The following TNS3 variants were observed in gnomAD, a reference collection of about 807,000 sequenced individuals.
The protein encoded by TNS3 is tensin-3.
In TNS3, 45 loss-of-function variants were observed where a neutral mutation model predicts 140.9. That is an observed-to-expected ratio of 0.32 (90% confidence interval 0.25 to 0.41). The LOEUF is 0.41. Among genes scored for constraint, TNS3 ranks in the 10% least tolerant of loss-of-function variants. The pLI is 1.00. For missense variants in TNS3, 1,716 were observed against 1,906.7 expected, an observed-to-expected ratio of 0.90 and a Z score of 1.86; for synonymous variants, 815 against 788.4, an observed-to-expected ratio of 1.03 and a Z score of -0.56.
intron 6 of TNS3, among the ~76,000 whole-genome samples, chr7:47,437,873 T>C (rs549919181): frequency 6.7e-6 from 1 of 150,302 alleles, no homozygotes; most frequent in Non-Finnish European, 1.5e-5. Context: ...ACTGACCCGA[T>C]AGAGAGGTGG....
chr7:47,542,843 T>G (rs1799825617), intron 1 of TNS3, among the ~76,000 whole-genome samples: 1 of 147,954 alleles, frequency 6.8e-6, no homozygotes, highest in African/African-American at 2.5e-5. Flanking sequence ...GGCAGGAGAA[T>G]CATGTGAATC....
chr7:47,481,195 G>T, intron 3 of TNS3, 54 bp from the exon 4 acceptor site: 1 of 1,261,982 alleles, frequency 7.9e-7, no homozygotes, highest in Non-Finnish European at 1.0e-6. Context: ...GAAAAAATTA[G>T]CATAATAATC....
chr7:47,310,357 G>GC (rs1179866206), intron 20 of TNS3, among the ~76,000 whole-genome samples: 2 of 152,088 alleles, frequency 1.3e-5, no homozygotes, highest in African/African-American at 4.8e-5. Context: ...AGGAAGAGGG[G>GC]CCTTTGCAAA....
intron 28 of TNS3, among the ~76,000 whole-genome samples, chr7:47,283,401 T>A (rs570153847): frequency 5.6e-4 from 86 of 152,370 alleles, no homozygotes; most frequent in South Asian, 1.4e-3. Flanking sequence ...GTTAAAAGAT[T>A]TTTTGCATTT....
chr7:47,295,202 T>C (rs569835780), intron 24 of TNS3, among the ~76,000 whole-genome samples: 39 of 152,330 alleles, frequency 2.6e-4, no homozygotes, highest in African/African-American at 9.4e-4. Flanking sequence ...CATCTTAAGA[T>C]TGAGTCCAAA....
chr7:47,447,385 C>A (rs1340019076), intron 4 of TNS3, among the ~76,000 whole-genome samples: 1 of 152,104 alleles, frequency 6.6e-6, no homozygotes, highest in Non-Finnish European at 1.5e-5. Flanking sequence ...AAGGCAAAAA[C>A]ACCTCTTTTG....
chr7:47,506,872 TAA>T, intron 3 of TNS3, 33 bp downstream of exon 3: 3 of 1,285,384 alleles, frequency 2.3e-6, no homozygotes, highest in Non-Finnish European at 3.0e-6. Flanking sequence ...AAGTCAGCTA[TAA>T]AAAGTCCCAT....
At chr7:47,518,093 G>A (rs1040460977) in intron 2 of TNS3, among the ~76,000 whole-genome samples, 5 of 152,152 alleles carry the variant, frequency 3.3e-5, no homozygotes, top group Non-Finnish European at 7.3e-5. Flanking sequence ...GGTTGACTGG[G>A]GTTGCAGAGA....
Position 47,304,931 on chromosome 7 carries a change from G to C in TNS3, c.2723C>G (p.Thr908Arg). 7.0e-7 allele frequency: 1 copy of C among 1,433,442 alleles called. No individual in the cohort carries two copies. Among genetic ancestry groups the C allele is most frequent in the Non-Finnish European group, 9.3e-7 (1 of 1,079,364 alleles). The allele number at this position is 1,433,442 out of a possible 1,614,324, so 88.8% of individuals were successfully genotyped here. A position where few individuals can be genotyped will look rare whatever the true frequency, so the allele number is the denominator to read the frequency against. ...CGAGGACGCATCAGCCCGGAGCATC[G>C]TGGATTTGGGTCCGATGGGGCTCTC... Reference protein sequence around the residue: ...MSESPIGPKSTMLRADASSTP... With the variant: ...MSESPIGPKSRMLRADASSTP... The change falls in exon 21 of 31, where the codon ACG (threonine) becomes AGG (arginine). Residue 908 changes from threonine (T) to arginine (R), a missense_variant. Physicochemically the swap from Thr to Arg is moderately conservative, Grantham distance 71 (BLOSUM62 -1). Transcript: ENST00000311160.
intron 4 of TNS3, among the ~76,000 whole-genome samples, chr7:47,477,735 C>G (rs963987922): frequency 1.3e-5 from 2 of 152,162 alleles, no homozygotes; most frequent in Non-Finnish European, 2.9e-5. Flanking sequence ...ATCCAAAATG[C>G]CAAGGATCAC....
At chr7:47,569,033 T>C (rs182694258) in intron 1 of TNS3, among the ~76,000 whole-genome samples, 3 of 152,334 alleles carry the variant, frequency 2.0e-5, no homozygotes, top group Non-Finnish European at 4.4e-5. Flanking sequence ...CATCTGAGAA[T>C]TGATGTGCTT....
rs577822318 is a variant in TNS3, at chr7:47,454,696, C to A, written c.-75-12641G>T. Among the ~76,000 whole-genome samples the A allele has an allele frequency of 2.8e-4, 43 of 152,256 alleles. No individual in the cohort carries two copies. In the South Asian group the frequency reaches 7.7e-3, roughly 27 times the overall value. On this transcript the variant is annotated intron_variant, in intron 4 of 30. Transcript: ENST00000311160. ...CATGGTGACAGAAAACAGGCCGAGC[C>A]CTAGAGAGCCAGCTCTCTCAAAGTA...
rs374663600 is a variant in TNS3, at chr7:47,311,871, C to A, written c.2651-6868G>T. 1.5e-4 allele frequency among the ~76,000 whole-genome samples: 23 copies of A among 152,226 alleles called. No homozygotes were observed. The East Asian group carries it at 2.7e-3, about 18-fold the overall frequency. On this transcript the variant is annotated intron_variant, in intron 20 of 30. Coordinates refer to ENST00000311160, the MANE Select transcript of TNS3 (RefSeq NM_022748.12). Reference sequence around the variant, plus strand: ...TAATAAAAAGAAAATTACACATAAGCACTTAATAGTAAAACTTCTGAAAAA... The same window carrying A: ...TAATAAAAAGAAAATTACACATAAGAACTTAATAGTAAAACTTCTGAAAAA...
intron 2 of TNS3, among the ~76,000 whole-genome samples, chr7:47,518,263 G>A (rs1023981054): frequency 6.6e-6 from 1 of 152,182 alleles, no homozygotes; most frequent in African/African-American, 2.4e-5. Flanking sequence ...AGACAGAGCA[G>A]CCCTCTCTGT....
chr7:47,523,444 G>A (rs1390335472), intron 2 of TNS3, among the ~76,000 whole-genome samples: 2 of 152,230 alleles, frequency 1.3e-5, no homozygotes, highest in African/African-American at 2.4e-5. Context: ...AGATCTCAGT[G>A]CACATATGCC....
chr7:47,491,748 G>T (rs893143228), intron 3 of TNS3, among the ~76,000 whole-genome samples: 2 of 152,116 alleles, frequency 1.3e-5, no homozygotes, highest in Non-Finnish European at 2.9e-5. Context: ...CCCTCGCCCC[G>T]TCCTGTTCAC....
chr7:47,475,621 CG>C (rs1272037232), intron 4 of TNS3, among the ~76,000 whole-genome samples: 177 of 152,300 alleles, frequency 1.2e-3, no homozygotes, highest in African/African-American at 3.8e-3. Flanking sequence ...TACATGGCCT[CG>C]GGGTGTCCTA....
intron 4 of TNS3, among the ~76,000 whole-genome samples, chr7:47,479,877 C>T (rs1007587351): frequency 2.6e-5 from 4 of 152,092 alleles, no homozygotes; most frequent in South Asian, 2.1e-4. Flanking sequence ...AGGAGAAAAC[C>T]GAGGCTCAGG....
At position 47,294,818 on chromosome 7, in the gene TNS3, T is replaced by C. The variant is rs754645775; in HGVS notation, c.3677-990A>G. 3.9e-5 allele frequency among the ~76,000 whole-genome samples: 6 copies of C among 152,326 alleles called. No individual in the cohort carries two copies. The South Asian group carries it at 6.2e-4, about 16-fold the overall frequency. ...TGAATTAAAGTGGGATAAGAACATATTGACATTCAGTTGTGGGAAGAAAAT... is the reference window on the plus strand; with the variant it reads ...TGAATTAAAGTGGGATAAGAACATACTGACATTCAGTTGTGGGAAGAAAAT... On this transcript the variant is annotated intron_variant, in intron 24 of 30. Transcript: ENST00000311160.
Sources: gnomAD v4.1 joint callset for allele counts (sites outside exome capture counted in the v4.1 genomes callset) on GRCh38, gnomAD v4.1.1 for gene constraint, MANE v1.5 for transcripts, NCBI Gene and HGNC (gene_info 2026-07-23, HGNC 2026-07-21) for gene names.